The following GLI2 variants were observed in gnomAD, a reference collection of about 807,000 sequenced individuals.
The protein encoded by GLI2 is transcription activator GLI2.
In GLI2, 22 loss-of-function variants were observed where a neutral mutation model predicts 78.9. The ratio of observed to expected loss-of-function variants is 0.28; its 90% CI spans 0.20 to 0.40. The LOEUF is 0.40. Ranked by LOEUF, GLI2 falls within the 10% of genes least tolerant of loss-of-function variation. The pLI, the probability that GLI2 is intolerant of heterozygous loss-of-function variation, is 1.00. For synonymous variants in GLI2, 974 were observed against 963.7 expected, an observed-to-expected ratio of 1.01 and a Z score of -0.20; for missense variants, 2,097 against 2,213.2, an observed-to-expected ratio of 0.95 and a Z score of 1.05.
At chr2:120,811,708 T>C (rs1272463589) in intron 2 of GLI2, among the ~76,000 whole-genome samples, 1 of 152,114 alleles carries the variant, frequency 6.6e-6, no homozygotes, top group Non-Finnish European at 1.5e-5. Context: ...AGGGAGCCAT[T>C]GAAGGGCTTT....
At chr2:120,773,903 CTCCT>C (rs535223818) in intron 1 of GLI2, among the ~76,000 whole-genome samples, 14,886 of 113,828 alleles carry the variant, frequency 0.13, 2,049 homozygotes, top group African/African-American at 0.28. Flanking sequence ...CCCTGCCTCC[CTCCT>C]TCCTTCCTTC....
At chr2:120,752,522 G>A (rs1486513408) in intron 1 of GLI2, among the ~76,000 whole-genome samples, 1 of 152,090 alleles carries the variant, frequency 6.6e-6, no homozygotes, top group Non-Finnish European at 1.5e-5. Context: ...GCCCACCTCG[G>A]CCTCCTAAAG....
Position 120,990,324 on chromosome 2 carries a change from G to C in GLI2, c.4359G>C (p.Arg1453=). ...ACCTCGGGAGCTGCCAGGTCATGCGGTCCCAGCCACCACAGCCACAGGCCT... is the reference window on the plus strand; with the variant it reads ...ACCTCGGGAGCTGCCAGGTCATGCGCTCCCAGCCACCACAGCCACAGGCCT... ...LENLGSCQVM[R]SQPPQPQACQ... is the part of the protein sequence containing the mutation. The change falls in exon 14 of 14, where the codon CGG becomes CGC. Residue 1453 remains arginine (R), a synonymous_variant. Coordinates refer to ENST00000361492, the MANE Select transcript of GLI2 (RefSeq NM_001374353.1). The C allele has an allele frequency of 6.2e-7, 1 of 1,613,792 alleles. No individual in the cohort carries two copies. Among genetic ancestry groups the C allele is most frequent in the Non-Finnish European group, 8.5e-7 (1 of 1,180,020 alleles).
chr2:120,883,441 C>T (rs915602378), intron 2 of GLI2, among the ~76,000 whole-genome samples: 1 of 152,130 alleles, frequency 6.6e-6, no homozygotes, highest in East Asian at 1.9e-4. Flanking sequence ...TAACTAAGGT[C>T]GCACCACTGC....
At chr2:120,904,571 G>A (rs879364400) in intron 2 of GLI2, among the ~76,000 whole-genome samples, 2 of 152,218 alleles carry the variant, frequency 1.3e-5, no homozygotes, top group Non-Finnish European at 2.9e-5. Flanking sequence ...AAGGGAAGTG[G>A]CACTGTGACT....
At chr2:120,754,802 ATCATAGG>A (rs1682989060) in intron 1 of GLI2, among the ~76,000 whole-genome samples, 1 of 151,124 alleles carries the variant, frequency 6.6e-6, no homozygotes, top group African/African-American at 2.4e-5. Flanking sequence ...GAATGCCTGG[ATCATAGG>A]TAGGTGTGTC....
At position 120,970,414 on chromosome 2, in the gene GLI2, C is replaced by T; in HGVS notation, c.867C>T (p.His289=). Residue 289 remains histidine (H), a synonymous_variant, in exon 7 of 14, where the codon CAC becomes CAT. Coordinates refer to ENST00000361492, the MANE Select transcript of GLI2 (RefSeq NM_001374353.1). ...GCAGCCCAGCCTTCACCTTCCCCCA[C>T]CCCATCAACCCCGTGGCCTACCAGC... The part of the protein sequence containing the change: ...GALSPAFTFP[H]PINPVAYQQI... 6.2e-7 allele frequency: 1 copy of T among 1,612,850 alleles called. No individual in the cohort carries two copies. Among genetic ancestry groups the T allele is most frequent in the Non-Finnish European group, 8.5e-7 (1 of 1,178,926 alleles).
intron 2 of GLI2, among the ~76,000 whole-genome samples, chr2:120,879,157 G>A (rs1688914327): frequency 6.6e-6 from 1 of 152,160 alleles, no homozygotes; most frequent in Non-Finnish European, 1.5e-5. Context: ...CCCCAGGAGG[G>A]GCAGGGACTT....
chr2:120,810,713 A>T (rs1237045587), intron 2 of GLI2, among the ~76,000 whole-genome samples: 1 of 152,232 alleles, frequency 6.6e-6, no homozygotes, highest in Admixed American at 6.5e-5. Flanking sequence ...GCTGCAAGCA[A>T]CAGAAGCCCG....
At position 120,911,117 on chromosome 2, in the gene GLI2, G is replaced by A. The variant is rs143353179; in HGVS notation, c.149-16244G>A. Among the ~76,000 whole-genome samples the A allele has an allele frequency of 5.7e-4, 87 of 152,234 alleles. No homozygotes were observed. In the East Asian group the frequency reaches 0.013, roughly 23 times the overall value. On this transcript the variant is annotated intron_variant, in intron 2 of 13. Coordinates refer to ENST00000361492, the MANE Select transcript of GLI2 (RefSeq NM_001374353.1). ...AAGACTGGGACCTGGGCCTTCCCCCGGCCTCATTTCTTCTTCCTGGTCCAA... is the reference window on the plus strand; with the variant it reads ...AAGACTGGGACCTGGGCCTTCCCCCAGCCTCATTTCTTCTTCCTGGTCCAA...
chr2:120,807,111 G>A (rs959986689), intron 2 of GLI2, among the ~76,000 whole-genome samples: 1 of 152,148 alleles, frequency 6.6e-6, no homozygotes, highest in Admixed American at 6.5e-5. Context: ...TGGGGAGGGG[G>A]TCACCAAAGT....
Position 120,972,023 on chromosome 2 carries a change from C to G in GLI2, c.1142C>G (p.Pro381Arg). ...AAGCGCAGCAAGGTCAAGACCGAGC[C>G]TGAGGGCCTGCGGCCGGCCTCCCCT... The part of the protein sequence containing the change: ...IHKRSKVKTE[P>R]EGLRPASPLA... The change falls in exon 8 of 14, where the codon CCT becomes CGT. Residue 381 changes from proline to arginine, a missense_variant. By Grantham distance (103) the Pro-to-Arg change is moderately radical. Coordinates refer to ENST00000361492, the MANE Select transcript of GLI2 (RefSeq NM_001374353.1). 2 of 1,613,532 alleles carry G rather than the reference C, an allele frequency of 1.2e-6. No individual in the cohort carries two copies. Among genetic ancestry groups the G allele is most frequent in the Non-Finnish European group, 1.7e-6 (2 of 1,179,970 alleles).
At chr2:120,785,851 G>A (rs1176930195) in intron 1 of GLI2, among the ~76,000 whole-genome samples, 1 of 152,232 alleles carries the variant, frequency 6.6e-6, no homozygotes, top group Non-Finnish European at 1.5e-5. Context: ...GGCTGGGATA[G>A]CGATGTGGTT....
At chr2:120,866,417 A>C (rs1460587700) in intron 2 of GLI2, 1 of 152,302 alleles carries the variant, frequency 6.6e-6, no homozygotes, top group Non-Finnish European at 1.5e-5. Flanking sequence ...TCTTGTACTT[A>C]ATGGTAATCC....
intron 1 of GLI2, among the ~76,000 whole-genome samples, chr2:120,765,969 A>G (rs1002157119): frequency 3.9e-5 from 6 of 152,200 alleles, no homozygotes; most frequent in African/African-American, 1.4e-4. Context: ...TTCAGACAGC[A>G]TTTGTCACAG....
rs1470491 is a variant in GLI2 at position 120,913,742 on chromosome 2, G to A, written c.149-13619G>A. 2.6e-3 allele frequency among the ~76,000 whole-genome samples: 391 copies of A among 152,312 alleles called. 1 individual carries two copies. Among genetic ancestry groups the A allele is most frequent in the African/African-American group, 8.9e-3 (369 of 41,570 alleles). On this transcript the variant is annotated intron_variant, in intron 2 of 13. Coordinates refer to ENST00000361492, the MANE Select transcript of GLI2 (RefSeq NM_001374353.1). ...GACAGTAAGTCCAGCCCCAGTGCTC[G>A]TTTGCTTGTCCAGGTGGCTGATTCC...
intron 2 of GLI2, among the ~76,000 whole-genome samples, chr2:120,826,734 C>T (rs1302285243): frequency 6.6e-6 from 1 of 152,208 alleles, no homozygotes; most frequent in Admixed American, 6.5e-5. Flanking sequence ...ATTCCAATGC[C>T]TATGGCCTCT....
At chr2:120,780,262 G>C (rs1683804845) in intron 1 of GLI2, among the ~76,000 whole-genome samples, 1 of 152,204 alleles carries the variant, frequency 6.6e-6, no homozygotes, top group African/African-American at 2.4e-5. Context: ...ATGAGCAGAT[G>C]TCTTGAGACC....
chr2:120,958,369 C>T (rs1012867948), intron 5 of GLI2, among the ~76,000 whole-genome samples: 1 of 152,132 alleles, frequency 6.6e-6, no homozygotes, highest in Non-Finnish European at 1.5e-5. Flanking sequence ...CAGCTCTGTC[C>T]ACCTGCTGCC....
Sources: gnomAD v4.1 joint callset for allele counts (sites outside exome capture counted in the v4.1 genomes callset) on GRCh38, gnomAD v4.1.1 for gene constraint, MANE v1.5 for transcripts, NCBI Gene and HGNC (gene_info 2026-07-23, HGNC 2026-07-21) for gene names.